SCUBE1: variants seen among roughly 807,000 people sequenced by gnomAD.
SCUBE1 encodes signal peptide, CUB and EGF-like domain-containing protein 1.
Under a neutral mutation model 124.4 loss-of-function variants are expected in SCUBE1, and 59 were observed. That is an observed-to-expected ratio of 0.47 (90% CI 0.38 to 0.59). The LOEUF (loss-of-function observed/expected upper bound fraction) is 0.59, where lower values mean the gene tolerates loss of function less well. SCUBE1 is among the 20% of genes least tolerant of loss of function. The probability of loss-of-function intolerance (pLI) is 0.00; values close to 1 mark genes in which losing one functional copy is unlikely to be tolerated. For synonymous variants in SCUBE1, 545 were observed against 550.9 expected, an observed-to-expected ratio of 0.99 and a Z score of 0.15; for missense variants, 1,150 against 1,371.2, an observed-to-expected ratio of 0.84 and a Z score of 2.55.
chr22:43,305,367 T>C (rs1451193161), intron 3 of SCUBE1, among the ~76,000 whole-genome samples: 4 of 152,202 alleles, frequency 2.6e-5, no homozygotes, highest in Admixed American at 1.3e-4. Context: ...CATTTGCAGC[T>C]TGGTCTGATT....
chr22:43,341,081 G>GCACA (rs34927467), intron 1 of SCUBE1, among the ~76,000 whole-genome samples: 12 of 142,460 alleles, frequency 8.4e-5, no homozygotes, highest in South Asian at 6.5e-4. Context: ...TGACCCCCCT[G>GCACA]CACACACACA....
intron 6 of SCUBE1, among the ~76,000 whole-genome samples, chr22:43,253,798 C>T (rs536155907): frequency 3.3e-5 from 4 of 121,398 alleles, no homozygotes; most frequent in South Asian, 2.2e-4. Flanking sequence ...GGGAAGGTCG[C>T]GGGGTACCTA....
chr22:43,245,357 C>T (rs1601825001), intron 6 of SCUBE1, among the ~76,000 whole-genome samples: 1 of 152,238 alleles, frequency 6.6e-6, no homozygotes, highest in Non-Finnish European at 1.5e-5. Context: ...GGCAAATGGT[C>T]AATCCTGAGA....
chr22:43,240,345 T>C (rs569648681), intron 6 of SCUBE1, among the ~76,000 whole-genome samples: 18 of 152,330 alleles, frequency 1.2e-4, no homozygotes, highest in African/African-American at 4.3e-4. Flanking sequence ...TCTCCTGCCA[T>C]GGCAGTGTGC....
chr22:43,212,402 C>A (rs374532690), intron 17 of SCUBE1, 23 bp downstream of exon 17: 1 of 1,532,982 alleles, frequency 6.5e-7, no homozygotes, highest in Non-Finnish European at 8.8e-7. Flanking sequence ...GGTGGGCGGG[C>A]GTGGTGGGGA....
chr22:43,331,742 C>T (rs1160053323), intron 2 of SCUBE1, among the ~76,000 whole-genome samples: 1 of 152,176 alleles, frequency 6.6e-6, no homozygotes, highest in East Asian at 1.9e-4. Context: ...ATGCCCCTTC[C>T]TCACCCCCAG....
chr22:43,263,306 C>T (rs1923941895), intron 4 of SCUBE1, among the ~76,000 whole-genome samples: 1 of 152,212 alleles, frequency 6.6e-6, no homozygotes, highest in Non-Finnish European at 1.5e-5. Flanking sequence ...TTCCGTTGAC[C>T]TCAGTTGATG....
rs1569010884 is a variant in SCUBE1, at chr22:43,281,506, TCCTCCTCAGCCA to T, written c.484+9528_484+9539del. On this transcript the variant is annotated intron_variant, in intron 4 of 21. Transcript: ENST00000360835. ...CCTCTTTGGCCACCCTCCTGTCACC[TCCTCCTCAGCCA>T]CCCTCCTGTCACCTCCCTCAGTCAC... Among the ~76,000 whole-genome samples the T allele has an allele frequency of 6.5e-3, 300 of 46,122 alleles. 14 individuals are homozygous for T. The highest frequency in any genetic ancestry group is 0.029 in the East Asian group (17 of 594). 30.3% of individuals were successfully genotyped at this position (46,122 alleles called of 152,430 possible).
rs1054425415 is a variant in SCUBE1 at position 43,221,384 on chromosome 22, G to GC, written c.1433-96dup. 5.7e-6 allele frequency: 4 copies of GC among 701,912 alleles called. No individual in the cohort carries two copies. The African/African-American group carries it at 6.9e-5, about 12-fold the overall frequency. The allele number at this position is 701,912 out of a possible 1,614,324, so 43.5% of individuals were successfully genotyped here. Reference sequence around the variant, plus strand: ...CTGCCAGGGGACAAATCCATCTGGAGCTGGGGGTGGGGCTTGATCTGAGTC... The same window carrying GC: ...CTGCCAGGGGACAAATCCATCTGGAGCCTGGGGGTGGGGCTTGATCTGAGTC... On this transcript the variant is annotated intron_variant, in intron 12 of 21. Transcript: ENST00000360835.
intron 5 of SCUBE1, among the ~76,000 whole-genome samples, chr22:43,259,125 A>G (rs921749090): frequency 1.3e-5 from 2 of 152,186 alleles, no homozygotes; most frequent in African/African-American, 4.8e-5. Flanking sequence ...AGTAGAAAAA[A>G]CTACAAATTC....
intron 6 of SCUBE1, among the ~76,000 whole-genome samples, chr22:43,248,875 C>A (rs1014018625): frequency 6.6e-6 from 1 of 152,192 alleles, no homozygotes; most frequent in Non-Finnish European, 1.5e-5. Flanking sequence ...CCATCCATCC[C>A]CGGGCACCTC....
chr22:43,216,521 C>T (rs560246677), intron 15 of SCUBE1, among the ~76,000 whole-genome samples: 53 of 151,844 alleles, frequency 3.5e-4, no homozygotes, highest in African/African-American at 1.1e-3. Flanking sequence ...GACACGGTGG[C>T]GCGCACCTGT....
At chr22:43,235,419 T>C (rs1922719762) in intron 7 of SCUBE1, among the ~76,000 whole-genome samples, 2 of 152,118 alleles carry the variant, frequency 1.3e-5, no homozygotes, top group South Asian at 4.1e-4. Context: ...GGCACCATCC[T>C]GGAGTGCCCA....
rs180926269 is a variant in SCUBE1 at position 43,264,015 on chromosome 22, C to T, written c.485-1170G>A. The stretch of plus-strand genomic sequence containing the variant: ...TGGCGTGCGGTCAACGCTTAACAGC[C>T]GGCAGGGGTGGAGGCTGATTTGCAG... On this transcript the variant is annotated intron_variant, in intron 4 of 21. Coordinates refer to ENST00000360835, the MANE Select transcript of SCUBE1 (RefSeq NM_173050.5). Among the ~76,000 whole-genome samples, 5 of 152,290 alleles carry T rather than the reference C, an allele frequency of 3.3e-5. No homozygotes were observed. The East Asian group carries it at 7.7e-4, about 24-fold the overall frequency.
chr22:43,341,840 G>A (rs796168625), intron 1 of SCUBE1, among the ~76,000 whole-genome samples: 12 of 152,224 alleles, frequency 7.9e-5, no homozygotes, highest in African/African-American at 2.4e-4. Flanking sequence ...GGGCTTCCAC[G>A]GAGAGGGTCG....
At chr22:43,205,255 TA>T (rs1921175172) in intron 21 of SCUBE1, among the ~76,000 whole-genome samples, 1 of 152,128 alleles carries the variant, frequency 6.6e-6, no homozygotes, top group South Asian at 2.1e-4. Context: ...TGCAGGGATC[TA>T]GGCAGCAAAC....
At chr22:43,304,512 G>C (rs1442602949) in intron 3 of SCUBE1, among the ~76,000 whole-genome samples, 1 of 95,768 alleles carries the variant, frequency 1.0e-5, no homozygotes, top group Non-Finnish European at 2.1e-5. Context: ...GCTGAACCCA[G>C]GCAGAGAGCG....
chr22:43,226,555 C>G (rs1250344881), intron 10 of SCUBE1, among the ~76,000 whole-genome samples: 1 of 148,864 alleles, frequency 6.7e-6, no homozygotes. Flanking sequence ...CTGGCGGCAG[C>G]CTTCGGGCCA....
chr22:43,329,317 C>G (rs1263119396), intron 2 of SCUBE1, among the ~76,000 whole-genome samples: 2 of 152,262 alleles, frequency 1.3e-5, no homozygotes, highest in Admixed American at 1.3e-4. Context: ...CTCAAGCTGA[C>G]AGACTGAGGC....
Sources: gnomAD v4.1 joint callset for allele counts (sites outside exome capture counted in the v4.1 genomes callset) on GRCh38, gnomAD v4.1.1 for gene constraint, MANE v1.5 for transcripts, NCBI Gene and HGNC (gene_info 2026-07-23, HGNC 2026-07-21) for gene names.